Variants in BCAS3 observed in about 807,000 individuals in gnomAD.
BCAS3 encodes the protein BCAS3 microtubule associated cell migration factor.
In BCAS3, 53 loss-of-function variants were observed where a neutral mutation model predicts 116.1. The observed-to-expected ratio is 0.46, with a 90% confidence interval of 0.37 to 0.57. BCAS3 has a LOEUF of 0.57. Ranked by LOEUF, BCAS3 falls within the 20% of genes least tolerant of loss-of-function variation. The pLI, the probability that BCAS3 is intolerant of heterozygous loss-of-function variation, is 0.00. For missense variants in BCAS3, 917 were observed against 1,165.4 expected, an observed-to-expected ratio of 0.79 and a Z score of 3.10; for synonymous variants, 391 against 408.2, an observed-to-expected ratio of 0.96 and a Z score of 0.51.
chr17:61,074,817 T>C (rs1331589173), intron 19 of BCAS3, 103 bp from the exon 20 acceptor site: 6 of 614,018 alleles, frequency 9.8e-6, no homozygotes, highest in Non-Finnish European at 1.6e-5. Context: ...AAGTATTATA[T>C]TTTATCTTAT....
chr17:60,868,772 A>C, intron 8 of BCAS3, 89 bp downstream of exon 8: 2 of 680,334 alleles, frequency 2.9e-6, no homozygotes, highest in South Asian at 5.0e-5. Flanking sequence ...TGACTAACTT[A>C]GATTTATTTT....
At chr17:60,847,155 A>G (rs2052612701) in intron 7 of BCAS3, among the ~76,000 whole-genome samples, 1 of 152,070 alleles carries the variant, frequency 6.6e-6, no homozygotes, top group Non-Finnish European at 1.5e-5. Flanking sequence ...TCAGTACTTC[A>G]TCCCTTTTTA....
At chr17:61,103,723 T>C (rs1046573523) in intron 22 of BCAS3, among the ~76,000 whole-genome samples, 14 of 152,230 alleles carry the variant, frequency 9.2e-5, no homozygotes, top group Non-Finnish European at 4.4e-5. Context: ...CAGTTTGTCC[T>C]GTTTCTATTG....
chr17:61,219,186 C>T lies in BCAS3; in HGVS notation c.2425+134622C>T, dbSNP rs923535370. On this transcript the variant is annotated intron_variant, in intron 22 of 23. Coordinates refer to ENST00000407086, the MANE Select transcript of BCAS3 (RefSeq NM_017679.5). The surrounding 1 kb of genome is among the most constrained non-coding windows in gnomAD (Gnocchi z 5.2). ...AAGTGTTCACTCTTCTTATGGGGGA[C>T]GAAGGTGAGTAGATGATGGTAAAGT... Among the ~76,000 whole-genome samples, 4 of 151,980 alleles carry T rather than the reference C, an allele frequency of 2.6e-5. No homozygotes were observed. Among genetic ancestry groups the T allele is most frequent in the African/African-American group, 9.7e-5 (4 of 41,350 alleles).
At chr17:60,863,260 T>C (rs2144862893) in intron 7 of BCAS3, among the ~76,000 whole-genome samples, 1 of 152,294 alleles carries the variant, frequency 6.6e-6, no homozygotes, top group Middle Eastern at 3.4e-3. Flanking sequence ...CCTTGAAATA[T>C]TTGTGTATGC....
rs1324361084 is a variant in BCAS3, at chr17:61,285,634, AT to A, written c.2426-82691del. 6.6e-6 allele frequency among the ~76,000 whole-genome samples: 1 copy of A among 152,210 alleles called. No individual in the cohort carries two copies. Among genetic ancestry groups the A allele is most frequent in the African/African-American group, 2.4e-5 (1 of 41,446 alleles). The stretch of plus-strand genomic sequence containing the variant: ...AATAATGTACTTCTAATTGGCTTTG[AT>A]TAAGTGCAAATTAGAATCACACTTC... On this transcript the variant is annotated intron_variant, in intron 22 of 23. Coordinates refer to ENST00000407086, the MANE Select transcript of BCAS3 (RefSeq NM_017679.5). The surrounding 1 kb of genome is among the most constrained non-coding windows in gnomAD (Gnocchi z 5.4).
intron 2 of BCAS3, among the ~76,000 whole-genome samples, chr17:60,683,037 T>TG (rs2033422612): frequency 6.6e-6 from 1 of 152,152 alleles, no homozygotes; most frequent in African/African-American, 2.4e-5. Context: ...CCTAAATAGC[T>TG]GGGACTATAG....
At chr17:60,881,253 C>T (rs1011329413) in intron 9 of BCAS3, among the ~76,000 whole-genome samples, 1 of 152,140 alleles carries the variant, frequency 6.6e-6, no homozygotes, top group South Asian at 2.1e-4. Flanking sequence ...GGATTACAGG[C>T]GTGAGCCACC....
At chr17:60,856,456 A>G (rs1465607803) in intron 7 of BCAS3, among the ~76,000 whole-genome samples, 2 of 152,176 alleles carry the variant, frequency 1.3e-5, no homozygotes, top group Non-Finnish European at 2.9e-5. Flanking sequence ...TCGGGGGCCA[A>G]GGCAGGTGGA....
chr17:61,158,341 A>C (rs909699060), intron 22 of BCAS3, among the ~76,000 whole-genome samples: 1 of 152,200 alleles, frequency 6.6e-6, no homozygotes, highest in East Asian at 1.9e-4. Flanking sequence ...AAAGGGATAG[A>C]ATATGTGCAT....
chr17:61,154,702 C>A (rs2144024505), intron 22 of BCAS3, among the ~76,000 whole-genome samples: 1 of 152,296 alleles, frequency 6.6e-6, no homozygotes, highest in African/African-American at 2.4e-5. Context: ...CATGGGTCTC[C>A]TGAAGTACTG....
At position 61,315,501 on chromosome 17, in the gene BCAS3, C is replaced by T. The variant is rs902523632; in HGVS notation, c.2426-52826C>T. Among the ~76,000 whole-genome samples the T allele has an allele frequency of 6.6e-6, 1 of 152,204 alleles. No homozygotes were observed. The highest frequency in any genetic ancestry group is 1.5e-5 in the Non-Finnish European group (1 of 68,030). Reference sequence around the variant, plus strand: ...TAGCTGGCAGCGGTGCCATTGCTTTCGCCTCAGGCTTCCTAGAGCAAAGAA... The same window carrying T: ...TAGCTGGCAGCGGTGCCATTGCTTTTGCCTCAGGCTTCCTAGAGCAAAGAA... On this transcript the variant is annotated intron_variant, in intron 22 of 23. Coordinates refer to ENST00000407086, the MANE Select transcript of BCAS3 (RefSeq NM_017679.5). This position sits in a 1 kb window ranked among gnomAD's most constrained non-coding sequence, Gnocchi z 5.3.
At chr17:60,730,294 T>G (rs1319933556) in intron 5 of BCAS3, among the ~76,000 whole-genome samples, 1 of 152,220 alleles carries the variant, frequency 6.6e-6, no homozygotes, top group Non-Finnish European at 1.5e-5. Flanking sequence ...ATTATTTGTG[T>G]TCTGTGGTTT....
At chr17:60,988,338 C>CTTTTTTTTTTTTTTTTTTTT (rs71148317) in intron 14 of BCAS3, among the ~76,000 whole-genome samples, 11 of 66,782 alleles carry the variant, frequency 1.6e-4, no homozygotes, top group Non-Finnish European at 2.0e-4. Flanking sequence ...TTTTCTTTTT[C>CTTTTTTTTTTTTTTTTTTTT]TTTTTTTTTT....
At chr17:60,859,199 CTTTTA>C (rs1446820927) in intron 7 of BCAS3, among the ~76,000 whole-genome samples, 6 of 151,898 alleles carry the variant, frequency 4.0e-5, no homozygotes, top group Non-Finnish European at 7.4e-5. Context: ...TTTTTTCCAA[CTTTTA>C]TTTTAGGTTC....
chr17:61,242,074 C>T (rs1202623368), intron 22 of BCAS3, among the ~76,000 whole-genome samples: 6 of 151,926 alleles, frequency 3.9e-5, no homozygotes, highest in African/African-American at 9.7e-5. Context: ...GTTGGGAATT[C>T]GAAACCAGCC....
Position 61,302,950 on chromosome 17 carries a change from T to C in BCAS3, c.2426-65377T>C, listed in dbSNP as rs1431296607. Among the ~76,000 whole-genome samples, 2 of 152,150 alleles carry C rather than the reference T, an allele frequency of 1.3e-5. No homozygotes were observed. The highest frequency in any genetic ancestry group is 6.5e-5 in the Admixed American group (1 of 15,280). The stretch of plus-strand genomic sequence containing the variant: ...GGTCCCTTCCAGTGCCATCTGACCA[T>C]CCATGGCTCTAGGATATTCAAAGCA... On this transcript the variant is annotated intron_variant, in intron 22 of 23. Coordinates refer to ENST00000407086, the MANE Select transcript of BCAS3 (RefSeq NM_017679.5). The surrounding 1 kb of genome is among the most constrained non-coding windows in gnomAD (Gnocchi z 4.4).
chr17:61,269,346 C>G (rs965283609), intron 22 of BCAS3, among the ~76,000 whole-genome samples: 1 of 152,032 alleles, frequency 6.6e-6, no homozygotes, highest in African/African-American at 2.4e-5. Flanking sequence ...AACTCCCGAC[C>G]TCAAGTAATC....
rs531907806 is a variant in BCAS3 at position 60,976,890 on chromosome 17, C to T, written c.1222-13081C>T. Among the ~76,000 whole-genome samples the T allele has an allele frequency of 6.6e-5, 10 of 152,288 alleles. No individual in the cohort carries two copies. The East Asian group carries it at 1.9e-3, about 29-fold the overall frequency. On this transcript the variant is annotated intron_variant, in intron 14 of 23. Coordinates refer to ENST00000407086, the MANE Select transcript of BCAS3 (RefSeq NM_017679.5). ...ATCTCTCTTTCTTTTCCCCACATTT[C>T]CCCCTTTTCTATTCGACAAAACCGC...
Sources: gnomAD v4.1 joint callset for allele counts (sites outside exome capture counted in the v4.1 genomes callset) on GRCh38, gnomAD v4.1.1 for gene constraint, Gnocchi (gnomAD v3.1) non-coding constraint, MANE v1.5 for transcripts, NCBI Gene and HGNC (gene_info 2026-07-23, HGNC 2026-07-21) for gene names.